Variants in RAD21L1 observed in about 807,000 individuals in gnomAD.
RAD21L1 encodes RAD21 cohesin complex component like 1.
Under a neutral mutation model 69.0 loss-of-function variants are expected in RAD21L1, and 47 were observed. The ratio of observed to expected loss-of-function variants is 0.68; its 90% CI spans 0.54 to 0.87. The LOEUF is 0.87. Ranked by LOEUF, RAD21L1 falls within the 40% of genes least tolerant of loss-of-function variation. The probability of loss-of-function intolerance (pLI) is 0.00; values close to 1 mark genes in which losing one functional copy is unlikely to be tolerated. For missense variants in RAD21L1, 583 were observed against 647.6 expected, an observed-to-expected ratio of 0.90 and a Z score of 1.08; for synonymous variants, 177 against 205.8, an observed-to-expected ratio of 0.86 and a Z score of 1.20.
At chr20:1,230,277 C>G (rs528243694) in intron 3 of RAD21L1, among the ~76,000 whole-genome samples, 1 of 152,256 alleles carries the variant, frequency 6.6e-6, no homozygotes, top group South Asian at 2.1e-4. Flanking sequence ...GCATAAGAAA[C>G]TCTGATATTC....
At position 1,246,173 on chromosome 20, in the gene RAD21L1, C is replaced by G. The variant is rs1304259293; in HGVS notation, c.1309-40C>G. The G allele has an allele frequency of 1.3e-5, 15 of 1,115,272 alleles. No homozygotes were observed. Among genetic ancestry groups the G allele is most frequent in the Non-Finnish European group, 1.8e-5 (14 of 774,544 alleles). The allele number at this position is 1,115,272 out of a possible 1,614,324, so 69.1% of individuals were successfully genotyped here. A position where few individuals can be genotyped will look rare whatever the true frequency, so the allele number is the denominator to read the frequency against. ...AAATTAGATTGTTCCTGTATAACCA[C>G]TGGCAGATTTACCTAACTTTCCCTA... On this transcript the variant is annotated intron_variant, in intron 11 of 13. Coordinates refer to ENST00000683101, the MANE Select transcript of RAD21L1 (RefSeq NM_001384355.1). This position sits in a 1 kb window ranked among gnomAD's most constrained non-coding sequence, Gnocchi z 4.6.
chr20:1,246,147 A>T lies in RAD21L1; in HGVS notation c.1309-66A>T, dbSNP rs1600228654. The stretch of plus-strand genomic sequence containing the variant: ...CATTCATGTGATTAAAGCATTTAAT[A>T]AAATTAGATTGTTCCTGTATAACCA... On this transcript the variant is annotated intron_variant, in intron 11 of 13. Transcript: ENST00000683101. The surrounding 1 kb of genome is among the most constrained non-coding windows in gnomAD (Gnocchi z 4.6). 25 of 751,998 alleles carry T rather than the reference A, an allele frequency of 3.3e-5. No individual in the cohort carries two copies. In the East Asian group the frequency reaches 7.8e-4, roughly 24 times the overall value. 46.6% of individuals were successfully genotyped at this position (751,998 alleles called of 1,614,324 possible). A position where few individuals can be genotyped will look rare whatever the true frequency, so the allele number is the denominator to read the frequency against.
rs2087915127 is a variant in RAD21L1, at chr20:1,255,394, G to C, written c.*937G>C. 6.6e-6 allele frequency among the ~76,000 whole-genome samples: 1 copy of C among 152,032 alleles called. No homozygotes were observed. Among genetic ancestry groups the C allele is most frequent in the South Asian group, 2.1e-4 (1 of 4,824 alleles). ...TTTCCTTTTTTCTTAATTGAAGTTT[G>C]AGTTAGGACATTTTCATATGATGCT... On this transcript the variant is annotated 3_prime_UTR_variant, in exon 14 of 14. Coordinates refer to ENST00000683101, the MANE Select transcript of RAD21L1 (RefSeq NM_001384355.1).
Position 1,241,614 on chromosome 20 carries a change from G to A in RAD21L1, c.857-1005G>A, listed in dbSNP as rs951305308. 2.0e-5 allele frequency among the ~76,000 whole-genome samples: 3 copies of A among 152,104 alleles called. No homozygotes were observed. In the South Asian group the frequency reaches 6.2e-4, roughly 31 times the overall value. ...TTTCCACCATGTAGTTCCAAAGTTT[G>A]GGGGAGGGGTATGGAAGGTGGAAGG... On this transcript the variant is annotated intron_variant, in intron 8 of 13. Coordinates refer to ENST00000683101, the MANE Select transcript of RAD21L1 (RefSeq NM_001384355.1).
chr20:1,226,966 G>T (rs533830394), intron 1 of RAD21L1, among the ~76,000 whole-genome samples: 1 of 152,332 alleles, frequency 6.6e-6, no homozygotes, highest in South Asian at 2.1e-4. Context: ...CTGGAGTGCA[G>T]TAGGGCGATC....
intron 6 of RAD21L1, 117 bp downstream of exon 6, chr20:1,238,331 C>G: frequency 1.4e-6 from 1 of 714,206 alleles, no homozygotes; most frequent in Non-Finnish European, 2.0e-6. Context: ...TTATGTAGGT[C>G]AATACTTTTT....
At chr20:1,231,434 A>T (rs2122773309) in intron 3 of RAD21L1, 92 bp from the exon 4 acceptor site, 1 of 694,622 alleles carries the variant, frequency 1.4e-6, no homozygotes, top group East Asian at 2.8e-5. Context: ...TAGAATAAGC[A>T]GTAGTCCAGT....
In RAD21L1 at chr20:1,242,578, G is replaced by A. The variant is rs192945122; in HGVS notation, c.857-41G>A. The stretch of plus-strand genomic sequence containing the variant: ...AGTGCCTACAATATGATTTTAGAAA[G>A]CTGTATAACCAATCACATTTGTGCT... On this transcript the variant is annotated intron_variant, in intron 8 of 13. Transcript: ENST00000683101. The A allele has an allele frequency of 9.3e-4, 1,318 of 1,418,828 alleles. 6 individuals carry two copies. Among genetic ancestry groups the A allele is most frequent in the South Asian group, 2.3e-3 (184 of 81,152 alleles). The allele number at this position is 1,418,828 out of a possible 1,614,324, so 87.9% of individuals were successfully genotyped here. A position where few individuals can be genotyped will look rare whatever the true frequency, so the allele number is the denominator to read the frequency against.
chr20:1,254,872 C>T lies in RAD21L1; in HGVS notation c.*415C>T, dbSNP rs978306436. 1.3e-5 allele frequency among the ~76,000 whole-genome samples: 2 copies of T among 152,070 alleles called. No individual in the cohort carries two copies. The highest frequency in any genetic ancestry group is 3.9e-4 in the East Asian group (2 of 5,188). On this transcript the variant is annotated 3_prime_UTR_variant, in exon 14 of 14. Transcript: ENST00000683101. ...TGAATATATAGCATTTATCATTTCC[C>T]TGATTTGAATGTTGCACTTAGCATA...
intron 2 of RAD21L1, among the ~76,000 whole-genome samples, chr20:1,229,659 A>G (rs536615437): frequency 6.6e-6 from 1 of 152,346 alleles, no homozygotes; most frequent in South Asian, 2.1e-4. Context: ...CATAATACCA[A>G]TAATAGTATA....
intron 13 of RAD21L1, among the ~76,000 whole-genome samples, chr20:1,250,715 AT>A (rs548863665): frequency 6.6e-6 from 1 of 151,998 alleles, no homozygotes; most frequent in African/African-American, 2.4e-5. Context: ...CCTTTACTTC[AT>A]TTTTTTATTT....
At chr20:1,239,268 C>T (rs2087559325) in intron 6 of RAD21L1, 44 bp from the exon 7 acceptor site, 2 of 1,057,578 alleles carry the variant, frequency 1.9e-6, no homozygotes, top group African/African-American at 3.2e-5. Flanking sequence ...GAACAAATGA[C>T]AGATTCCAGT....
At chr20:1,247,751 A>T (rs2087744323) in intron 12 of RAD21L1, among the ~76,000 whole-genome samples, 1 of 152,088 alleles carries the variant, frequency 6.6e-6, no homozygotes, top group African/African-American at 2.4e-5. Context: ...ACTTTTAGGA[A>T]GTGTCTGGGC....
chr20:1,243,244 A>G (rs1269365271), intron 10 of RAD21L1, 48 bp downstream of exon 10: 1 of 918,680 alleles, frequency 1.1e-6, no homozygotes, highest in East Asian at 2.8e-5. Context: ...CTGTGGAAAC[A>G]AAAATTTGAT....
At chr20:1,239,490 A>G (rs1020860983) in intron 7 of RAD21L1, 83 bp downstream of exon 7, 1 of 704,674 alleles carries the variant, frequency 1.4e-6, no homozygotes, top group Non-Finnish European at 2.5e-6. Flanking sequence ...GTAGCAATAT[A>G]GTATAGTGAA....
At chr20:1,230,767 A>G in intron 3 of RAD21L1, 1 of 514,184 alleles carries the variant, frequency 1.9e-6, no homozygotes. Context: ...GTGGATTTAT[A>G]TTCATATCAA....
At chr20:1,227,292 C>T (rs2087285469) in intron 1 of RAD21L1, among the ~76,000 whole-genome samples, 1 of 152,224 alleles carries the variant, frequency 6.6e-6, no homozygotes, top group Admixed American at 6.5e-5. Flanking sequence ...GAGAGCGAAA[C>T]ACACAGACTA....
chr20:1,232,047 G>A (rs144477613), intron 4 of RAD21L1, among the ~76,000 whole-genome samples: 1 of 152,142 alleles, frequency 6.6e-6, no homozygotes, highest in Non-Finnish European at 1.5e-5. Context: ...CAGTAAGACA[G>A]GAAAGGCTTT....
At chr20:1,229,224 T>A (rs1225081500) in intron 2 of RAD21L1, among the ~76,000 whole-genome samples, 1 of 152,232 alleles carries the variant, frequency 6.6e-6, no homozygotes, top group Non-Finnish European at 1.5e-5. Flanking sequence ...TGTTTTGAGT[T>A]GGTCAAATTT....
Sources: gnomAD v4.1 joint callset for allele counts (sites outside exome capture counted in the v4.1 genomes callset) on GRCh38, gnomAD v4.1.1 for gene constraint, Gnocchi (gnomAD v3.1) non-coding constraint, MANE v1.5 for transcripts, NCBI Gene and HGNC (gene_info 2026-07-23, HGNC 2026-07-21) for gene names.